The following RPF2 variants were observed in gnomAD, a reference collection of about 807,000 sequenced individuals.
The protein encoded by RPF2 is brix domain containing 1.
Under a neutral mutation model 38.9 loss-of-function variants are expected in RPF2, and 21 were observed. The observed-to-expected ratio is 0.54, with a 90% CI of 0.38 to 0.78. The LOEUF (loss-of-function observed/expected upper bound fraction) is 0.78, where lower values mean the gene tolerates loss of function less well. Among genes scored for constraint, RPF2 ranks in the 30% least tolerant of loss-of-function variants. RPF2 has a pLI of 0.00. For synonymous variants in RPF2, 121 were observed against 126.2 expected, an observed-to-expected ratio of 0.96 and a Z score of 0.28; for missense variants, 314 against 358.1, an observed-to-expected ratio of 0.88 and a Z score of 0.99.
At chr6:111,020,037 C>T (rs1344329315) in intron 8 of RPF2, among the ~76,000 whole-genome samples, 1 of 151,542 alleles carries the variant, frequency 6.6e-6, no homozygotes, top group East Asian at 2.0e-4. Flanking sequence ...GCCTCAGCCT[C>T]CCAAGTAGCT....
chr6:110,994,556 A>G (rs1319880208), intron 4 of RPF2, among the ~76,000 whole-genome samples: 1 of 152,006 alleles, frequency 6.6e-6, no homozygotes, highest in Non-Finnish European at 1.5e-5. Context: ...CAGCACTTTT[A>G]GCCTGGGCAA....
At chr6:111,019,433 G>A (rs1772188516) in intron 8 of RPF2, among the ~76,000 whole-genome samples, 1 of 151,954 alleles carries the variant, frequency 6.6e-6, no homozygotes, top group South Asian at 2.1e-4. Context: ...GAGTGAGACT[G>A]TCTGAAAAAA....
At position 111,024,226 on chromosome 6, in the gene RPF2, T is replaced by C; in HGVS notation, c.640T>C (p.Leu214=). The change falls in exon 9 of 10, where the codon TTG becomes CTG. Residue 214 remains leucine (L), a synonymous_variant. Coordinates refer to ENST00000441448, the MANE Select transcript of RPF2 (RefSeq NM_032194.3). The part of the protein sequence containing the change: ...KSGCRTPRIE[L]EEMGPSLDLV... ...TGGTTGCAGAACACCACGGATTGAA[T>C]TGGAAGAGATGGGACCCTCATTGGA... is the stretch of plus-strand genomic sequence containing the variant. 1 of 1,610,970 alleles carries C rather than the reference T, an allele frequency of 6.2e-7. No homozygotes were observed. Among genetic ancestry groups the C allele is most frequent in the Non-Finnish European group, 8.5e-7 (1 of 1,179,612 alleles).
chr6:110,988,907 G>T (rs990500572), intron 2 of RPF2, 121 bp from the exon 3 acceptor site: 1 of 1,225,188 alleles, frequency 8.2e-7, no homozygotes, highest in African/African-American at 1.6e-5. Flanking sequence ...CCAGGCAGAA[G>T]CCCTCAGAAT....
intron 8 of RPF2, among the ~76,000 whole-genome samples, chr6:111,022,277 A>G (rs1436187606): frequency 1.3e-5 from 2 of 152,246 alleles, no homozygotes; most frequent in Admixed American, 1.3e-4. Flanking sequence ...GGAAATTACA[A>G]TTTGAACAGT....
At chr6:110,987,198 A>C (rs569043085) in intron 2 of RPF2, among the ~76,000 whole-genome samples, 129 of 152,038 alleles carry the variant, frequency 8.5e-4, no homozygotes, top group African/African-American at 3.0e-3. Flanking sequence ...CCTCCCAAGT[A>C]GCTGGGAGCC....
In RPF2 at chr6:111,027,654, G is replaced by A. The variant is rs888418033; in HGVS notation, c.*2072G>A. 16 of 152,146 alleles carry A rather than the reference G, an allele frequency of 1.1e-4. No individual in the cohort carries two copies. The highest frequency in any genetic ancestry group is 3.8e-4 in the East Asian group (2 of 5,198). The allele number at this position is 152,146 out of a possible 1,614,324, so 9.4% of individuals were successfully genotyped here. On this transcript the variant is annotated 3_prime_UTR_variant, in exon 10 of 10. Transcript: ENST00000441448. ...TGGCCATGATTTCTGTATGTGAGAC[G>A]TCTTAAGGGTGTTTTTGTTTGTTTT... is the stretch of plus-strand genomic sequence containing the variant.
chr6:110,998,986 G>T (rs1262078752), intron 5 of RPF2, among the ~76,000 whole-genome samples: 1 of 150,474 alleles, frequency 6.6e-6, no homozygotes, highest in African/African-American at 2.4e-5. Context: ...AGCAAGTAAA[G>T]AATGGGGCAT....
chr6:110,994,745 A>G (rs1771681653), intron 4 of RPF2, among the ~76,000 whole-genome samples: 1 of 149,944 alleles, frequency 6.7e-6, no homozygotes, highest in African/African-American at 2.5e-5. Flanking sequence ...ACACACACAC[A>G]CACACACACA....
At chr6:111,016,732 G>A (rs1325013500) in intron 8 of RPF2, among the ~76,000 whole-genome samples, 31 of 145,848 alleles carry the variant, frequency 2.1e-4, no homozygotes, top group Non-Finnish European at 3.9e-4. Context: ...TTCTCGCAGA[G>A]GGGGATTTGG....
intron 4 of RPF2, among the ~76,000 whole-genome samples, 190 bp from the exon 5 acceptor site, chr6:110,996,993 G>A (rs535915170): frequency 6.6e-6 from 1 of 152,056 alleles, no homozygotes; most frequent in African/African-American, 2.4e-5. Context: ...GTAGAGATAC[G>A]GTCTTACCTT....
intron 3 of RPF2, among the ~76,000 whole-genome samples, chr6:110,991,010 T>A (rs1771610760): frequency 6.6e-6 from 1 of 152,188 alleles, no homozygotes; most frequent in African/African-American, 2.4e-5. Context: ...TAAGCTACAG[T>A]CATCCCTCAG....
chr6:111,002,095 C>A (rs965303442), intron 6 of RPF2, among the ~76,000 whole-genome samples: 1 of 152,122 alleles, frequency 6.6e-6, no homozygotes, highest in Non-Finnish European at 1.5e-5. Flanking sequence ...ACCTGGCCAA[C>A]ATGGTGAAGC....
intron 7 of RPF2, among the ~76,000 whole-genome samples, chr6:111,009,290 G>A (rs1167576163): frequency 2.6e-5 from 4 of 152,018 alleles, no homozygotes; most frequent in African/African-American, 4.8e-5. Flanking sequence ...TCCTGACCTC[G>A]TGATCCACCC....
chr6:110,984,070 G>A (rs183943761), intron 1 of RPF2, among the ~76,000 whole-genome samples: 40 of 152,184 alleles, frequency 2.6e-4, no homozygotes, highest in African/African-American at 9.2e-4. Flanking sequence ...GTAACTCTCA[G>A]GATTGTGGTG....
In RPF2 at chr6:110,997,166, T is replaced by C; in HGVS notation, c.235-17T>C. The C allele has an allele frequency of 6.9e-7, 1 of 1,456,524 alleles. No homozygotes were observed. The highest frequency in any genetic ancestry group is 1.2e-5 in the South Asian group (1 of 86,466). 90.2% of individuals were successfully genotyped at this position (1,456,524 alleles called of 1,614,324 possible). A position where few individuals can be genotyped will look rare whatever the true frequency, so the allele number is the denominator to read the frequency against. On this transcript the variant is annotated splice_polypyrimidine_tract_variant and intron_variant, in intron 4 of 9. Coordinates refer to ENST00000441448, the MANE Select transcript of RPF2 (RefSeq NM_032194.3). ...AAATTTATGCATGGACTAAATGGGA[T>C]TTATTTGGTTTTATAGGAATTCTTT...
chr6:110,983,871 T>C (rs1334010174), intron 1 of RPF2, among the ~76,000 whole-genome samples: 1 of 151,638 alleles, frequency 6.6e-6, no homozygotes, highest in Non-Finnish European at 1.5e-5. Context: ...GTACTAAAAA[T>C]ACAAAAAATT....
intron 2 of RPF2, 179 bp from the exon 3 acceptor site, chr6:110,988,849 A>G (rs1463242351): frequency 2.7e-6 from 2 of 752,044 alleles, no homozygotes; most frequent in Non-Finnish European, 4.1e-6. Context: ...GTCTAGTCCA[A>G]GAATATTAAG....
intron 8 of RPF2, among the ~76,000 whole-genome samples, chr6:111,016,084 G>A (rs1485232757): frequency 6.6e-6 from 1 of 152,152 alleles, no homozygotes; most frequent in Non-Finnish European, 1.5e-5. Context: ...CGCTGAGCCA[G>A]GTGCACCAAC....
Sources: gnomAD v4.1 joint callset for allele counts (sites outside exome capture counted in the v4.1 genomes callset) on GRCh38, gnomAD v4.1.1 for gene constraint, MANE v1.5 for transcripts, NCBI Gene and HGNC (gene_info 2026-07-23, HGNC 2026-07-21) for gene names.